The following USP9X variants were observed in gnomAD, a reference collection of about 807,000 sequenced individuals.
USP9X encodes the protein ubiquitin carboxyl-terminal hydrolase 9X.
In USP9X, 7 loss-of-function variants were observed where a neutral mutation model predicts 190.3. That is an observed-to-expected ratio of 0.04 (90% CI 0.02 to 0.07). The LOEUF (loss-of-function observed/expected upper bound fraction) is 0.07, where lower values mean the gene tolerates loss of function less well. Among genes scored for constraint, USP9X ranks in the 10% least tolerant of loss-of-function variants. The probability of loss-of-function intolerance (pLI) is 1.00; values close to 1 mark genes in which losing one functional copy is unlikely to be tolerated. For synonymous variants in USP9X, 645 were observed against 659.5 expected (o/e 0.98, Z 0.34); for missense variants, 1,010 against 1,916.9 (o/e 0.53, Z 8.83).
chrX:41,215,638 G>C (rs2063205461), intron 34 of USP9X, among the ~76,000 whole-genome samples: 1 of 112,314 alleles, frequency 8.9e-6, no homozygotes, highest in African/African-American at 3.2e-5. Flanking sequence ...ACCTTCGTGG[G>C]AACAACAGTA....
intron 15 of USP9X, among the ~76,000 whole-genome samples, chrX:41,164,843 T>TA (rs1394964954): frequency 1.8e-5 from 2 of 112,097 alleles, no homozygotes; most frequent in Admixed American, 1.9e-4. Context: ...TTTTCAAACT[T>TA]ACGTAGGAGC....
chrX:41,219,549 A>G (rs2063242401), intron 38 of USP9X, among the ~76,000 whole-genome samples: 1 of 110,704 alleles, frequency 9.0e-6, no homozygotes, highest in Non-Finnish European at 1.9e-5. Flanking sequence ...CAGCATCCCC[A>G]AAGCTAATGT....
intron 1 of USP9X, among the ~76,000 whole-genome samples, chrX:41,091,576 T>C (rs1044838102): frequency 8.9e-6 from 1 of 112,557 alleles, no homozygotes; most frequent in Non-Finnish European, 1.9e-5. Context: ...ATTTAGTAAC[T>C]GTTGGATGAA....
At chrX:41,179,770 C>T (rs1368948725) in intron 21 of USP9X, among the ~76,000 whole-genome samples, 4 of 111,332 alleles carry the variant, frequency 3.6e-5, no homozygotes, top group African/African-American at 1.3e-4. Context: ...TTTGTGCCTT[C>T]CCAAGTGTTT....
chrX:41,225,010 C>G (rs371331382), intron 40 of USP9X, 39 bp from the exon 41 acceptor site: 2 of 1,206,668 alleles, frequency 1.7e-6, no homozygotes, highest in African/African-American at 3.5e-5. Context: ...TTTGTTATTC[C>G]TTTCATTAAG....
intron 21 of USP9X, among the ~76,000 whole-genome samples, chrX:41,174,156 A>G (rs887944918): frequency 8.9e-6 from 1 of 112,147 alleles, no homozygotes; most frequent in Non-Finnish European, 1.9e-5. Flanking sequence ...AACACACCCT[A>G]TGATGTTCAC....
chrX:41,098,391 C>T (rs1487069412), intron 1 of USP9X, among the ~76,000 whole-genome samples: 2 of 110,683 alleles, frequency 1.8e-5, no homozygotes, highest in Admixed American at 9.6e-5. Flanking sequence ...CTGTCCACCT[C>T]GGCCTCCCAA....
chrX:41,170,257 A>AT, intron 19 of USP9X, 22 bp downstream of exon 19: 1 of 1,188,214 alleles, frequency 8.4e-7, no homozygotes, highest in Non-Finnish European at 1.1e-6. Context: ...TAGTTAACAG[A>AT]TTTTTCAATA....
intron 1 of USP9X, among the ~76,000 whole-genome samples, chrX:41,092,435 C>T (rs2061961398): frequency 9.0e-6 from 1 of 110,923 alleles, no homozygotes; most frequent in Non-Finnish European, 1.9e-5. Context: ...GTATTGAACC[C>T]ATTTCTGCCT....
intron 1 of USP9X, 38 bp from the exon 2 acceptor site, chrX:41,123,433 A>G: frequency 4.8e-6 from 2 of 412,377 alleles, no homozygotes; most frequent in Non-Finnish European, 8.5e-6. Flanking sequence ...TGTTTTTTAT[A>G]TCTAAAACCA....
intron 35 of USP9X, 51 bp downstream of exon 35, chrX:41,216,703 A>G (rs771459373): frequency 9.1e-7 from 1 of 1,101,025 alleles, no homozygotes; most frequent in African/African-American, 1.8e-5. Flanking sequence ...AATTTATAGT[A>G]GGCGTCAACA....
chrX:41,205,117 T>TG (rs2063079236), intron 31 of USP9X, 186 bp from the exon 32 acceptor site: 4 of 378,351 alleles, frequency 1.1e-5, no homozygotes, highest in Non-Finnish European at 1.8e-5. Context: ...CAGGGTTATT[T>TG]GGTTATGATA....
intron 1 of USP9X, among the ~76,000 whole-genome samples, chrX:41,104,898 C>A (rs5918112): frequency 9.9e-5 from 11 of 110,930 alleles, no homozygotes; most frequent in African/African-American, 3.6e-4. Flanking sequence ...AAATCAGGTA[C>A]CAAAAACTAA....
intron 1 of USP9X, among the ~76,000 whole-genome samples, chrX:41,101,481 G>A: frequency 9.1e-6 from 1 of 109,948 alleles, no homozygotes; most frequent in Non-Finnish European, 1.9e-5. Context: ...CAGGTACTTA[G>A]GAGGCTGAGG....
At chrX:41,227,071 G>A (rs1156305696) in intron 41 of USP9X, among the ~76,000 whole-genome samples, 4 of 112,217 alleles carry the variant, frequency 3.6e-5, no homozygotes, top group African/African-American at 1.3e-4. Context: ...TTAAATGTGG[G>A]AATTACACTT....
intron 11 of USP9X, among the ~76,000 whole-genome samples, chrX:41,147,817 A>G (rs1191577605): frequency 8.9e-6 from 1 of 112,135 alleles, no homozygotes; most frequent in Non-Finnish European, 1.9e-5. Flanking sequence ...ATAAACACTG[A>G]TCAGCAACTT....
intron 38 of USP9X, among the ~76,000 whole-genome samples, chrX:41,220,079 T>C (rs888517446): frequency 2.7e-5 from 3 of 112,288 alleles, no homozygotes; most frequent in African/African-American, 9.7e-5. Context: ...TGATCTTACT[T>C]AATCACCATT....
chrX:41,194,862 A>G (rs749658156), intron 26 of USP9X, among the ~76,000 whole-genome samples: 1 of 111,046 alleles, frequency 9.0e-6, no homozygotes, highest in South Asian at 3.8e-4. Flanking sequence ...AGTTTTAATT[A>G]AAGGTAGATG....
chrX:41,217,151 AAC>A, intron 35 of USP9X, 67 bp from the exon 36 acceptor site: 5 of 1,120,250 alleles, frequency 4.5e-6, no homozygotes, highest in Non-Finnish European at 5.9e-6. Flanking sequence ...AATTAATGGA[AAC>A]ACAGACTTGT....
Sources: allele counts gnomAD v4.1 joint callset (sites outside exome capture counted in the v4.1 genomes callset), GRCh38; gene constraint gnomAD v4.1.1; transcripts MANE v1.5; gene names NCBI Gene and HGNC (gene_info 2026-07-23, HGNC 2026-07-21).